The following MAF variants were observed in gnomAD, a reference collection of about 807,000 sequenced individuals.
The protein encoded by MAF is MAF bZIP transcription factor, also known as transcription factor Maf.
Under a neutral mutation model 22.0 loss-of-function variants are expected in MAF, and 10 were observed. That is an observed-to-expected ratio of 0.45 (90% CI 0.28 to 0.77). MAF has a LOEUF of 0.77. MAF is among the 30% of genes least tolerant of loss of function. The pLI, the probability that MAF is intolerant of heterozygous loss-of-function variation, is 0.12. For missense variants in MAF, 544 were observed against 548.4 expected (o/e 0.99, Z 0.08); for synonymous variants, 337 against 255.8 (o/e 1.32, Z -3.03).
chr16:79,338,418 T>G, the MAF span, among the ~76,000 whole-genome samples: 1 of 152,186 alleles, frequency 6.6e-6, no homozygotes, highest in Admixed American at 6.5e-5. Flanking sequence ...AAATGTCTCT[T>G]TTCTATCATT....
the MAF span, among the ~76,000 whole-genome samples, chr16:79,227,942 C>T: frequency 6.6e-6 from 1 of 152,088 alleles, no homozygotes; most frequent in Non-Finnish European, 1.5e-5. Flanking sequence ...CTTTCTCTGT[C>T]ACACAGGCAA....
the MAF span, among the ~76,000 whole-genome samples, chr16:79,541,277 CT>C: frequency 6.6e-6 from 1 of 152,316 alleles, no homozygotes; most frequent in African/African-American, 2.4e-5. Context: ...GGGAAATCAT[CT>C]TGGTTGGAAT....
the MAF span, among the ~76,000 whole-genome samples, chr16:79,558,962 C>T: frequency 6.6e-6 from 1 of 152,178 alleles, no homozygotes; most frequent in Admixed American, 6.5e-5. Context: ...TGGGCACATG[C>T]ATTTCTTTTC....
chr16:79,444,804 C>G, the MAF span, among the ~76,000 whole-genome samples: 1 of 152,106 alleles, frequency 6.6e-6, no homozygotes, highest in Non-Finnish European at 1.5e-5. Context: ...ATCATAGCAA[C>G]TAGTTTCAGA....
chr16:79,222,887 C>T, the MAF span, among the ~76,000 whole-genome samples: 11 of 152,150 alleles, frequency 7.2e-5, no homozygotes, highest in South Asian at 4.1e-4. Flanking sequence ...TAAAGACCTA[C>T]AAAGAAACTT....
downstream of MAF, among the ~76,000 whole-genome samples, chr16:79,589,816 G>C (rs867902780): frequency 3.9e-5 from 6 of 152,314 alleles, no homozygotes; most frequent in South Asian, 1.2e-3. Flanking sequence ...TTGGGTGGGC[G>C]CGGGGCCCTG....
At chr16:79,505,616 G>A in the MAF span, 3 of 152,250 alleles carry the variant, frequency 2.0e-5, no homozygotes, top group African/African-American at 7.2e-5. Flanking sequence ...GGGCCCGAGG[G>A]ATGCATCACT....
At chr16:79,245,306 G>A in the MAF span, among the ~76,000 whole-genome samples, 4 of 151,964 alleles carry the variant, frequency 2.6e-5, no homozygotes, top group African/African-American at 9.7e-5. Context: ...GAAAATTTTT[G>A]CAATCTATCC....
the MAF span, among the ~76,000 whole-genome samples, chr16:79,230,775 G>A: frequency 6.6e-6 from 1 of 152,050 alleles, no homozygotes; most frequent in African/African-American, 2.4e-5. Flanking sequence ...CAAATTTCCT[G>A]AACAAAATGT....
chr16:79,314,205 A>G, the MAF span, among the ~76,000 whole-genome samples: 2 of 152,140 alleles, frequency 1.3e-5, no homozygotes, highest in African/African-American at 4.8e-5. Context: ...AGAATGAGGA[A>G]ATATGGAGAT....
the MAF span, among the ~76,000 whole-genome samples, chr16:79,484,443 T>A: frequency 3.1e-4 from 47 of 152,326 alleles, no homozygotes; most frequent in Non-Finnish European, 4.9e-4. Context: ...TCAGCCTTTC[T>A]GGCCACAGAC....
At chr16:79,383,000 T>C in the MAF span, among the ~76,000 whole-genome samples, 1 of 152,332 alleles carries the variant, frequency 6.6e-6, no homozygotes, top group African/African-American at 2.4e-5. Flanking sequence ...TTACTAAGTC[T>C]TTACTGCATA....
At chr16:79,299,890 C>T in the MAF span, among the ~76,000 whole-genome samples, 1 of 152,222 alleles carries the variant, frequency 6.6e-6, no homozygotes, top group African/African-American at 2.4e-5. Flanking sequence ...CCAGAGCCAT[C>T]TCTTTCACCC....
the MAF span, among the ~76,000 whole-genome samples, chr16:79,348,304 C>T: frequency 6.6e-6 from 1 of 152,328 alleles, no homozygotes; most frequent in South Asian, 2.1e-4. Flanking sequence ...TTTGGAGAAA[C>T]ACACAACCAG....
chr16:79,239,342 C>A, the MAF span, among the ~76,000 whole-genome samples: 3 of 151,954 alleles, frequency 2.0e-5, no homozygotes, highest in African/African-American at 7.2e-5. Flanking sequence ...GTTTCCTGGG[C>A]CGTGGGACAG....
the MAF span, among the ~76,000 whole-genome samples, chr16:79,563,447 C>T: frequency 6.6e-6 from 1 of 151,616 alleles, no homozygotes; most frequent in Non-Finnish European, 1.5e-5. Context: ...TTCACTTTAA[C>T]CTTATTGAAC....
At chr16:79,357,272 ACAACAACAACAACAAC>A in the MAF span, among the ~76,000 whole-genome samples, 3 of 147,986 alleles carry the variant, frequency 2.0e-5, no homozygotes, top group African/African-American at 7.8e-5. Context: ...AACAACAACA[ACAACAACAACAACAAC>A]AACAACAACA....
At chr16:79,484,896 T>C in the MAF span, among the ~76,000 whole-genome samples, 3 of 152,222 alleles carry the variant, frequency 2.0e-5, no homozygotes, top group Non-Finnish European at 4.4e-5. Flanking sequence ...GCATCAAGCA[T>C]GGTACAGCTG....
At chr16:79,365,504 A>G in the MAF span, among the ~76,000 whole-genome samples, 1 of 152,064 alleles carries the variant, frequency 6.6e-6, no homozygotes, top group South Asian at 2.1e-4. Context: ...TTGGTGGATG[A>G]TCTCTTCATT....
Sources: allele counts gnomAD v4.1 joint callset (sites outside exome capture counted in the v4.1 genomes callset), GRCh38; gene constraint gnomAD v4.1.1; transcripts MANE v1.5; gene names NCBI Gene and HGNC (gene_info 2026-07-23, HGNC 2026-07-21).